Variants in CACNB3 observed in about 807,000 individuals in gnomAD.
The protein encoded by CACNB3 is voltage-dependent L-type calcium channel subunit beta-3.
A neutral mutation model predicts 63.7 loss-of-function variants in CACNB3; 36 were observed. That is an observed-to-expected ratio of 0.57 (90% CI 0.43 to 0.75). The LOEUF (loss-of-function observed/expected upper bound fraction) is 0.75. Among genes scored for constraint, CACNB3 ranks in the 30% least tolerant of loss-of-function variants. CACNB3 has a pLI of 0.00. For missense variants in CACNB3, 493 were observed against 648.6 expected (o/e 0.76, Z 2.61); for synonymous variants, 241 against 250.6 (o/e 0.96, Z 0.36).
Position 48,823,546 on chromosome 12 carries a change from C to T in CACNB3, c.168+80C>T, listed in dbSNP as rs1027761603. The T allele has an allele frequency of 3.2e-5, 51 of 1,595,678 alleles. No homozygotes were observed. The highest frequency in any genetic ancestry group is 4.0e-5 in the African/African-American group (3 of 74,578). ...ACTCGGTCCTAAGTCCCAAGGGGTCCTTGGGCAGGATGTCCTTGAGTGTGA... is the reference window on the plus strand; with the variant it reads ...ACTCGGTCCTAAGTCCCAAGGGGTCTTTGGGCAGGATGTCCTTGAGTGTGA... On this transcript the variant is annotated intron_variant, in intron 2 of 12. Coordinates refer to ENST00000301050, the MANE Select transcript of CACNB3 (RefSeq NM_000725.4). This position sits in a 1 kb window ranked among gnomAD's most constrained non-coding sequence, Gnocchi z 4.2.
In CACNB3 at chr12:48,826,388, A is replaced by G. The variant is rs757670331; in HGVS notation, c.764A>G (p.Glu255Gly). ...SSIAEVQSEI[E>G]RIFELAKSLQ... ...ATAGCGGAAGTGCAGAGTGAGATCGAGCGCATATTTGAGCTGGCCAAATCC... is the reference window on the plus strand; with the variant it reads ...ATAGCGGAAGTGCAGAGTGAGATCGGGCGCATATTTGAGCTGGCCAAATCC... The change falls in exon 10 of 13, where the codon GAG becomes GGG. Residue 255 changes from glutamate to glycine, a missense_variant. Coordinates refer to ENST00000301050, the MANE Select transcript of CACNB3 (RefSeq NM_000725.4). This position sits in a 1 kb window ranked among gnomAD's most constrained non-coding sequence, Gnocchi z 4.8. The G allele has an allele frequency of 2.5e-6, 4 of 1,613,982 alleles. No homozygotes were observed. The highest frequency in any genetic ancestry group is 3.4e-6 in the Non-Finnish European group (4 of 1,180,022).
upstream of CACNB3, chr12:48,815,811 G>A: frequency 1.0e-6 from 1 of 959,034 alleles, no homozygotes; most frequent in Non-Finnish European, 1.6e-6. Context: ...CTAGGAAGGG[G>A]GCACGCGTTT....
Position 48,826,320 on chromosome 12 carries a change from CA to C in CACNB3, c.743-46del. ...AGCCCTCAAAGCCTGCTGGAGTGAG[CA>C]GTGGGCAGAGCTCCTGGTGAGCACT... On this transcript the variant is annotated intron_variant, in intron 9 of 12. Transcript: ENST00000301050. The surrounding 1 kb of genome is among the most constrained non-coding windows in gnomAD (Gnocchi z 4.8). 6.2e-7 allele frequency: 1 copy of C among 1,602,396 alleles called. No individual in the cohort carries two copies. Among genetic ancestry groups the C allele is most frequent in the Non-Finnish European group, 8.5e-7 (1 of 1,169,976 alleles).
At chr12:48,821,830 C>T (rs982454639) in intron 1 of CACNB3, among the ~76,000 whole-genome samples, 2 of 152,186 alleles carry the variant, frequency 1.3e-5, no homozygotes, top group African/African-American at 2.4e-5. Flanking sequence ...GAACAGTCGG[C>T]GGACTACTCT....
At chr12:48,820,230 G>A (rs916857121) in intron 1 of CACNB3, 1 of 153,528 alleles carries the variant, frequency 6.5e-6, no homozygotes, top group Admixed American at 6.4e-5. Context: ...ACAGTTGAAG[G>A]GACAGCTGGT....
Position 48,828,236 on chromosome 12 carries a change from A to C in CACNB3, c.*337A>C. 2.6e-6 allele frequency: 1 copy of C among 382,990 alleles called. No homozygotes were observed. Among genetic ancestry groups the C allele is most frequent in the South Asian group, 2.9e-5 (1 of 34,272 alleles). 23.7% of individuals were successfully genotyped at this position (382,990 alleles called of 1,614,324 possible). A position where few individuals can be genotyped will look rare whatever the true frequency, so the allele number is the denominator to read the frequency against. On this transcript the variant is annotated 3_prime_UTR_variant, in exon 13 of 13. Coordinates refer to ENST00000301050, the MANE Select transcript of CACNB3 (RefSeq NM_000725.4). ...CCCTTAGCAGGGTCCTTCCCACCAG[A>C]CTCAGGGAAGGGATGCCCCATTAAA... is the stretch of plus-strand genomic sequence containing the variant.
intron 5 of CACNB3, 26 bp downstream of exon 5, chr12:48,824,759 T>C (rs756808909): frequency 2.0e-5 from 32 of 1,607,246 alleles, no homozygotes; most frequent in Non-Finnish European, 2.7e-5. Flanking sequence ...CCCACCCATT[T>C]TGGGTAGGTG....
chr12:48,823,417 C>T lies in CACNB3; in HGVS notation c.119C>T (p.Ala40Val). ...TCCCTGGAGGAGGACCGGGAGAGTGCCCGGCGTGAAGTAGAGAGCCAGGCT... is the reference window on the plus strand; with the variant it reads ...TCCCTGGAGGAGGACCGGGAGAGTGTCCGGCGTGAAGTAGAGAGCCAGGCT... ...DVSLEEDRES[A>V]RREVESQAQQ... The change falls in exon 2 of 13, where the codon GCC becomes GTC. Residue 40 changes from alanine to valine, a missense_variant. Transcript: ENST00000301050. The surrounding 1 kb of genome is among the most constrained non-coding windows in gnomAD (Gnocchi z 4.2). 6.2e-7 allele frequency: 1 copy of T among 1,614,146 alleles called. No homozygotes were observed. The highest frequency in any genetic ancestry group is 8.5e-7 in the Non-Finnish European group (1 of 1,180,008).
chr12:48,819,902 T>G, intron 1 of CACNB3: 1 of 314,242 alleles, frequency 3.2e-6, no homozygotes, highest in Non-Finnish European at 6.4e-6. Flanking sequence ...CGGAGCAGCT[T>G]CTCAGCCCCT....
chr12:48,824,744 C>G lies in CACNB3; in HGVS notation c.472+11C>G. The G allele has an allele frequency of 1.2e-6, 2 of 1,613,184 alleles. No homozygotes were observed. The highest frequency in any genetic ancestry group is 2.2e-5 in the South Asian group (2 of 91,008). ...CTCCGCCATCTCTAGGTAGCCTCCC[C>G]CCAACCCACCCATTTTGGGTAGGTG... On this transcript the variant is annotated intron_variant, in intron 5 of 12. Transcript: ENST00000301050.
At chr12:48,824,027 G>C (rs1384951835) in intron 3 of CACNB3, 1 of 677,600 alleles carries the variant, frequency 1.5e-6, no homozygotes, top group Admixed American at 2.9e-5. Flanking sequence ...CAAGTGAGCA[G>C]TTAGATTAGC....
At chr12:48,816,415 A>G (rs1197641710), upstream of CACNB3, among the ~76,000 whole-genome samples, 1 of 152,190 alleles carries the variant, frequency 6.6e-6, no homozygotes, top group Non-Finnish European at 1.5e-5. Flanking sequence ...CTTTATGCCC[A>G]GCCATGAAAA....
upstream of CACNB3, chr12:48,816,797 CA>C: frequency 2.0e-6 from 2 of 979,930 alleles, no homozygotes; most frequent in South Asian, 9.4e-5. Flanking sequence ...GAGAGAGTCC[CA>C]AAAGGAGAGG....
chr12:48,816,795 C>T, upstream of CACNB3: 3 of 975,478 alleles, frequency 3.1e-6, no homozygotes, highest in Non-Finnish European at 3.7e-6. Flanking sequence ...TGGAGAGAGT[C>T]CCAAAAGGAG....
rs1318106568 is a variant in CACNB3, at chr12:48,826,803, G to A, written c.939G>A (p.Lys313=). The A allele has an allele frequency of 5.0e-6, 8 of 1,614,044 alleles. No homozygotes were observed. The Admixed American group carries it at 5.0e-5, about 10-fold the overall frequency. Residue 313 remains lysine, a synonymous_variant, in exon 11 of 13, where the codon AAG becomes AAA. Transcript: ENST00000301050. This position sits in a 1 kb window ranked among gnomAD's most constrained non-coding sequence, Gnocchi z 4.8. Reference sequence around the variant, plus strand: ...GCTCCCGGGGGAAGTCACAGATGAAGCACCTGACCGTACAGATGATGGCAT... The same window carrying A: ...GCTCCCGGGGGAAGTCACAGATGAAACACCTGACCGTACAGATGATGGCAT... The part of the protein sequence containing the change: ...LIRSRGKSQM[K]HLTVQMMAYD...
rs1477963796 is a variant in CACNB3, at chr12:48,827,012, G to A, written c.1029G>A (p.Glu343=). Residue 343 remains glutamate (E), a synonymous_variant, in exon 12 of 13, where the codon GAG becomes GAA. Transcript: ENST00000301050. ...TGATTCTGGATGAGAACCAGCTGGA[G>A]GATGCCTGTGAGCACCTGGCTGAGT... ...FDVILDENQL[E]DACEHLAEYL... is the part of the protein sequence containing the mutation. 1 of 1,614,124 alleles carries A rather than the reference G, an allele frequency of 6.2e-7. No individual in the cohort carries two copies. Among genetic ancestry groups the A allele is most frequent in the South Asian group, 1.1e-5 (1 of 91,074 alleles).
In CACNB3 at chr12:48,825,272, T is replaced by G; in HGVS notation, c.573+29T>G. On this transcript the variant is annotated intron_variant, in intron 7 of 12. Coordinates refer to ENST00000301050, the MANE Select transcript of CACNB3 (RefSeq NM_000725.4). The surrounding 1 kb of genome is among the most constrained non-coding windows in gnomAD (Gnocchi z 4.5). The stretch of plus-strand genomic sequence containing the variant: ...AGAGGAGGTCCTTGACCCCAAAGAG[T>G]CACCTCTACCAAGCCTGCCACAGGA... 2 of 1,604,978 alleles carry G rather than the reference T, an allele frequency of 1.2e-6. No individual in the cohort carries two copies. Among genetic ancestry groups the G allele is most frequent in the Non-Finnish European group, 1.7e-6 (2 of 1,173,078 alleles).
In CACNB3 at chr12:48,818,613, G is replaced by T; in HGVS notation, c.-317G>T. 2 of 1,092,044 alleles carry T rather than the reference G, an allele frequency of 1.8e-6. No individual in the cohort carries two copies. Among genetic ancestry groups the T allele is most frequent in the Non-Finnish European group, 2.2e-6 (2 of 900,278 alleles). The allele number at this position is 1,092,044 out of a possible 1,614,324, so 67.6% of individuals were successfully genotyped here. ...GCTCCCCGGTGGCCGCCGCCCCCTC[G>T]CCGCCCCCGCCTTCTCCCGGGGAGG... On this transcript the variant is annotated 5_prime_UTR_variant, in exon 1 of 13. Coordinates refer to ENST00000301050, the MANE Select transcript of CACNB3 (RefSeq NM_000725.4). The surrounding 1 kb of genome is among the most constrained non-coding windows in gnomAD (Gnocchi z 4.3).
In CACNB3 at chr12:48,827,581, C is replaced by G; in HGVS notation, c.1141-4C>G. 1 of 1,611,428 alleles carries G rather than the reference C, an allele frequency of 6.2e-7. No homozygotes were observed. Among genetic ancestry groups the G allele is most frequent in the African/African-American group, 1.3e-5 (1 of 75,036 alleles). Reference sequence around the variant, plus strand: ...CTCACTGAGAGCTGTTGTATGGCCCCCAGAACCAGCAGCTGCTGGGGGAGC... The same window carrying G: ...CTCACTGAGAGCTGTTGTATGGCCCGCAGAACCAGCAGCTGCTGGGGGAGC... On this transcript the variant is annotated splice_region_variant and splice_polypyrimidine_tract_variant and intron_variant, in intron 12 of 12. Transcript: ENST00000301050.
Sources: allele counts gnomAD v4.1 joint callset (sites outside exome capture counted in the v4.1 genomes callset), GRCh38; gene constraint gnomAD v4.1.1; non-coding constraint Gnocchi (gnomAD v3.1); transcripts MANE v1.5; gene names NCBI Gene and HGNC (gene_info 2026-07-23, HGNC 2026-07-21).